LRP1B: variants seen among roughly 807,000 people sequenced by gnomAD.
LRP1B encodes the protein LDL receptor related protein 1B, also known as low-density lipoprotein receptor-related protein 1B.
LRP1B carries 217 observed loss-of-function variants against 556.6 expected under a neutral mutation model. That is an observed-to-expected ratio of 0.39 (90% CI 0.35 to 0.44). The LOEUF (loss-of-function observed/expected upper bound fraction) is 0.44. LRP1B is among the 20% of genes least tolerant of loss of function. The pLI, the probability that LRP1B is intolerant of heterozygous loss-of-function variation, is 1.00. For synonymous variants in LRP1B, 2,047 were observed against 1,865.8 expected (o/e 1.10, Z -2.50); for missense variants, 5,053 against 5,620.8 (o/e 0.90, Z 3.23).
chr2:140,487,566 A>T (rs2105366392), intron 58 of LRP1B, 51 bp downstream of exon 58: 1 of 1,515,776 alleles, frequency 6.6e-7, no homozygotes, highest in South Asian at 1.2e-5. Flanking sequence ...TATACAATTC[A>T]ATCATACTGG....
chr2:141,370,338 A>G (rs1296619585), intron 3 of LRP1B, among the ~76,000 whole-genome samples: 1 of 152,126 alleles, frequency 6.6e-6, no homozygotes, highest in Non-Finnish European at 1.5e-5. Flanking sequence ...TAATAATACT[A>G]ATTCCGATTG....
At chr2:141,617,388 C>T (rs952532177) in intron 2 of LRP1B, among the ~76,000 whole-genome samples, 11 of 152,172 alleles carry the variant, frequency 7.2e-5, no homozygotes, top group South Asian at 2.1e-4. Context: ...TTTATTTCTA[C>T]GGGTACAATT....
intron 75 of LRP1B, 38 bp downstream of exon 75, chr2:140,356,300 CCCAA>C: frequency 4.4e-6 from 7 of 1,598,550 alleles, no homozygotes; most frequent in Non-Finnish European, 6.0e-6. Context: ...ATCTTCATAA[CCCAA>C]AGATTTATGA....
At chr2:140,301,070 TG>T (rs1354105876) in intron 83 of LRP1B, among the ~76,000 whole-genome samples, 1 of 152,128 alleles carries the variant, frequency 6.6e-6, no homozygotes, top group Admixed American at 6.6e-5. Flanking sequence ...TTTACTTTTA[TG>T]GTAGTGATGG....
chr2:140,305,059 C>A (rs1325521365), intron 83 of LRP1B, among the ~76,000 whole-genome samples: 1 of 152,082 alleles, frequency 6.6e-6, no homozygotes, highest in Non-Finnish European at 1.5e-5. Flanking sequence ...GTTACTGTAG[C>A]CTTGTAGTAT....
intron 1 of LRP1B, among the ~76,000 whole-genome samples, chr2:141,828,775 G>A (rs1697017688): frequency 6.6e-6 from 1 of 151,954 alleles, no homozygotes; most frequent in South Asian, 2.1e-4. Context: ...GTAGGATCTG[G>A]TACTCTTCCC....
intron 35 of LRP1B, among the ~76,000 whole-genome samples, chr2:140,756,004 T>C (rs1688730973): frequency 6.6e-6 from 1 of 151,896 alleles, no homozygotes; most frequent in East Asian, 1.9e-4. Flanking sequence ...AATTCAGCAA[T>C]GTTGGAGGAT....
chr2:141,117,913 G>C (rs1700946368), intron 7 of LRP1B, among the ~76,000 whole-genome samples: 1 of 151,658 alleles, frequency 6.6e-6, no homozygotes, highest in Admixed American at 6.6e-5. Context: ...AATACATTTA[G>C]ACTTCCCTTG....
chr2:141,722,184 C>A (rs1692841947), intron 2 of LRP1B, among the ~76,000 whole-genome samples: 1 of 152,098 alleles, frequency 6.6e-6, no homozygotes, highest in Non-Finnish European at 1.5e-5. Flanking sequence ...TCGAGGCCAA[C>A]CTGGCCAACA....
intron 2 of LRP1B, among the ~76,000 whole-genome samples, chr2:141,730,761 T>C (rs76429684): frequency 2.0e-5 from 3 of 152,272 alleles, no homozygotes; most frequent in African/African-American, 7.2e-5. Context: ...TCAGAAATCA[T>C]TGTACTCATA....
At chr2:141,473,377 T>C (rs1484544222) in intron 3 of LRP1B, among the ~76,000 whole-genome samples, 1 of 152,172 alleles carries the variant, frequency 6.6e-6, no homozygotes, top group Admixed American at 6.5e-5. Flanking sequence ...GTGGTATAGG[T>C]CTTTCAAAAG....
chr2:140,985,589 A>G (rs1351574068), intron 17 of LRP1B, among the ~76,000 whole-genome samples: 1 of 151,792 alleles, frequency 6.6e-6, no homozygotes, highest in Non-Finnish European at 1.5e-5. Flanking sequence ...AATATTCTGG[A>G]TGTTGACAGA....
chr2:141,653,377 G>C (rs1337542955), intron 2 of LRP1B, among the ~76,000 whole-genome samples: 2 of 152,152 alleles, frequency 1.3e-5, no homozygotes, highest in Non-Finnish European at 2.9e-5. Flanking sequence ...AATGGCTCAA[G>C]AAAAGCCCAG....
At chr2:142,129,288 G>T (rs547837285) in intron 1 of LRP1B, among the ~76,000 whole-genome samples, 2 of 152,146 alleles carry the variant, frequency 1.3e-5, no homozygotes, top group Non-Finnish European at 2.9e-5. Context: ...TGGTTAGGTG[G>T]CAATGATATG....
chr2:140,821,138 G>T (rs1691315163), intron 31 of LRP1B, among the ~76,000 whole-genome samples: 1 of 151,972 alleles, frequency 6.6e-6, no homozygotes, highest in Non-Finnish European at 1.5e-5. Flanking sequence ...TTAATTATCA[G>T]TGATTTTTTT....
chr2:140,691,796 A>G (rs960856203), intron 41 of LRP1B, among the ~76,000 whole-genome samples: 1 of 152,192 alleles, frequency 6.6e-6, no homozygotes, highest in Admixed American at 6.5e-5. Flanking sequence ...ATCTATGTTA[A>G]TATTGAAAAG....
chr2:140,590,272 G>GTA (rs1183869838), intron 43 of LRP1B, among the ~76,000 whole-genome samples: 1 of 146,684 alleles, frequency 6.8e-6, no homozygotes, highest in Non-Finnish European at 1.5e-5. Context: ...ATGTATATAT[G>GTA]TATATATATC....
At chr2:142,014,942 T>C (rs540449571) in intron 1 of LRP1B, among the ~76,000 whole-genome samples, 2 of 152,206 alleles carry the variant, frequency 1.3e-5, no homozygotes, top group Non-Finnish European at 2.9e-5. Flanking sequence ...AATACAAACA[T>C]AAAAATTGAA....
chr2:141,119,093 G>C (rs920530631), intron 7 of LRP1B, among the ~76,000 whole-genome samples: 1 of 151,896 alleles, frequency 6.6e-6, no homozygotes, highest in South Asian at 2.1e-4. Flanking sequence ...AGTTAATTTT[G>C]TGTTTTACAC....
Sources: allele counts gnomAD v4.1 joint callset (sites outside exome capture counted in the v4.1 genomes callset), GRCh38; gene constraint gnomAD v4.1.1; transcripts MANE v1.5; gene names NCBI Gene and HGNC (gene_info 2026-07-23, HGNC 2026-07-21).